The following NTNG1 variants were observed in gnomAD, a reference collection of about 807,000 sequenced individuals.
The protein encoded by NTNG1 is netrin-G1.
In NTNG1, 16 loss-of-function variants were observed where a neutral mutation model predicts 54.0. The ratio of observed to expected loss-of-function variants is 0.30; its 90% confidence interval spans 0.20 to 0.45. The LOEUF is 0.45. Ranked by LOEUF, NTNG1 falls within the 20% of genes least tolerant of loss-of-function variation. NTNG1 has a pLI of 1.00. For missense variants in NTNG1, 530 were observed against 678.7 expected, an observed-to-expected ratio of 0.78 and a Z score of 2.43; for synonymous variants, 255 against 263.1, an observed-to-expected ratio of 0.97 and a Z score of 0.30.
At position 107,153,638 on chromosome 1, in the gene NTNG1, A is replaced by C. The variant is rs369802883; in HGVS notation, c.246+4799A>C. 1.3e-4 allele frequency among the ~76,000 whole-genome samples: 20 copies of C among 152,318 alleles called. No individual in the cohort carries two copies. The East Asian group carries it at 3.9e-3, about 29-fold the overall frequency. On this transcript the variant is annotated intron_variant, in intron 2 of 7. Transcript: ENST00000370068. ...TCCAAGGAAGTCTTTCTCATATACC[A>C]CTATATCAAGTATTTCCTTTTTGAG...
intron 7 of NTNG1, among the ~76,000 whole-genome samples, chr1:107,449,703 A>G: frequency 6.9e-6 from 1 of 144,862 alleles, no homozygotes; most frequent in Admixed American, 7.1e-5. Context: ...CAATGTTATG[A>G]GCTTCTTCTG....
chr1:107,430,842 C>A lies in NTNG1; in HGVS notation c.1180C>A (p.Gln394Lys). 1 of 1,613,288 alleles carries A rather than the reference C, an allele frequency of 6.2e-7. No homozygotes were observed. The highest frequency in any genetic ancestry group is 8.5e-7 in the Non-Finnish European group (1 of 1,179,612). ...GAGCTGTAAACACAACACTAGAGGG[C>A]AGCACTGTGAGTTATGCAGGCTGGG... ...CVSCKHNTRG[Q>K]HCELCRLGYF... The change falls in exon 6 of 8, where the codon CAG (glutamine) becomes AAG (lysine). Residue 394 changes from glutamine (Q) to lysine (K), a missense_variant. Gln to Lys is a moderately conservative substitution (Grantham distance 53). Around this residue, in one of 2 missense-constraint regions of NTNG1, gnomAD observed 212 missense variants for 213.6 expected, o/e 0.99. Coordinates refer to ENST00000370068, the MANE Select transcript of NTNG1 (RefSeq NM_001113226.3).
At chr1:107,234,970 T>G (rs761345437) in intron 2 of NTNG1, among the ~76,000 whole-genome samples, 1 of 151,866 alleles carries the variant, frequency 6.6e-6, no homozygotes, top group Non-Finnish European at 1.5e-5. Context: ...TGGGAAATAA[T>G]AGAAGCTAAC....
At chr1:107,233,136 C>A (rs952289572) in intron 2 of NTNG1, among the ~76,000 whole-genome samples, 4 of 152,128 alleles carry the variant, frequency 2.6e-5, no homozygotes, top group African/African-American at 9.7e-5. Flanking sequence ...AAACATTAAA[C>A]CATATAGACC....
chr1:107,197,049 A>G (rs1658391997), intron 2 of NTNG1, among the ~76,000 whole-genome samples: 3 of 152,038 alleles, frequency 2.0e-5, no homozygotes, highest in Admixed American at 1.3e-4. Context: ...TATGGTTGTT[A>G]TACAAGTTTT....
chr1:107,341,408 A>C (rs1281730529), intron 3 of NTNG1, among the ~76,000 whole-genome samples: 1 of 152,046 alleles, frequency 6.6e-6, no homozygotes, highest in African/African-American at 2.4e-5. Context: ...AGAGTTCTCT[A>C]TTGGTAGAGA....
intron 5 of NTNG1, among the ~76,000 whole-genome samples, chr1:107,414,621 A>C (rs898369508): frequency 2.6e-5 from 4 of 152,180 alleles, no homozygotes; most frequent in African/African-American, 9.6e-5. Flanking sequence ...TACTGAAAAA[A>C]ATAGGGGAAG....
intron 3 of NTNG1, among the ~76,000 whole-genome samples, chr1:107,386,143 A>G (rs1344923404): frequency 6.2e-5 from 8 of 130,022 alleles, no homozygotes; most frequent in East Asian, 2.3e-4. Context: ...ATATATATAT[A>G]TGTGTGTATA....
chr1:107,373,355 A>G (rs752823388), intron 3 of NTNG1, among the ~76,000 whole-genome samples: 4 of 152,176 alleles, frequency 2.6e-5, no homozygotes, highest in Admixed American at 1.3e-4. Context: ...ACAACCTTAC[A>G]ATAGTACTTC....
chr1:107,303,929 CCCGCCTTGG>C (rs1221148600), intron 2 of NTNG1, among the ~76,000 whole-genome samples: 1 of 152,094 alleles, frequency 6.6e-6, no homozygotes, highest in African/African-American at 2.4e-5. Context: ...TCATAATCCG[CCCGCCTTGG>C]CCTCCAGAAG....
intron 2 of NTNG1, among the ~76,000 whole-genome samples, chr1:107,156,322 G>A (rs1654995084): frequency 6.6e-6 from 1 of 152,118 alleles, no homozygotes; most frequent in East Asian, 1.9e-4. Context: ...CTCTTTTTCT[G>A]TAGACTATAT....
chr1:107,447,470 A>T (rs1403225379), intron 7 of NTNG1, among the ~76,000 whole-genome samples: 1 of 152,138 alleles, frequency 6.6e-6, no homozygotes, highest in African/African-American at 2.4e-5. Flanking sequence ...CTGAAATATT[A>T]CACCCTTGTT....
intron 7 of NTNG1, among the ~76,000 whole-genome samples, chr1:107,474,713 C>T (rs577132561): frequency 2.0e-5 from 3 of 152,244 alleles, no homozygotes; most frequent in Admixed American, 1.3e-4. Flanking sequence ...CAGAAGGCAT[C>T]ACATGATTGA....
At chr1:107,244,986 G>T (rs1662096710) in intron 2 of NTNG1, among the ~76,000 whole-genome samples, 1 of 152,170 alleles carries the variant, frequency 6.6e-6, no homozygotes, top group South Asian at 2.1e-4. Context: ...TAGAGCCATA[G>T]CCAGGTGAGC....
intron 3 of NTNG1, chr1:107,330,833 A>T (rs1223725444): frequency 6.6e-6 from 1 of 152,102 alleles, no homozygotes. Flanking sequence ...AATGACCATT[A>T]TAGAACATTT....
chr1:107,401,645 G>A (rs528026156), intron 4 of NTNG1, among the ~76,000 whole-genome samples: 4 of 151,390 alleles, frequency 2.6e-5, no homozygotes, highest in African/African-American at 9.7e-5. Flanking sequence ...ATCACAGTAG[G>A]TCATATTGCA....
intron 7 of NTNG1, among the ~76,000 whole-genome samples, chr1:107,437,316 A>G (rs563619730): frequency 6.6e-6 from 1 of 152,320 alleles, no homozygotes; most frequent in African/African-American, 2.4e-5. Flanking sequence ...GCAAAAATCG[A>G]TATTGATTTT....
chr1:107,459,282 T>A (rs183093704), intron 7 of NTNG1, among the ~76,000 whole-genome samples: 26 of 152,322 alleles, frequency 1.7e-4, no homozygotes, highest in African/African-American at 5.8e-4. Flanking sequence ...CATATATCCT[T>A]TGTAAAACTC....
At chr1:107,243,322 G>A (rs1003807526) in intron 2 of NTNG1, among the ~76,000 whole-genome samples, 2 of 152,090 alleles carry the variant, frequency 1.3e-5, no homozygotes, top group Non-Finnish European at 2.9e-5. Context: ...GAATTCCAAG[G>A]AATAACCTAA....
Sources: gnomAD v4.1 joint callset for allele counts (sites outside exome capture counted in the v4.1 genomes callset) on GRCh38, gnomAD v4.1.1 for gene constraint, gnomAD v4.1.1 regional missense constraint, MANE v1.5 for transcripts, NCBI Gene and HGNC (gene_info 2026-07-23, HGNC 2026-07-21) for gene names.